PTH2R: variants seen among roughly 807,000 people sequenced by gnomAD.
The protein encoded by PTH2R is parathyroid hormone 2 receptor.
PTH2R carries 59 observed loss-of-function variants against 60.3 expected under a neutral mutation model. That is an observed-to-expected ratio of 0.98 (90% confidence interval 0.79 to 1.22). The LOEUF (loss-of-function observed/expected upper bound fraction) is 1.22. Among genes scored for constraint, PTH2R ranks in the 50% most tolerant of loss-of-function variants. PTH2R has a pLI of 0.00. For synonymous variants in PTH2R, 256 were observed against 243.8 expected (o/e 1.05, Z -0.47); for missense variants, 749 against 682.6 (o/e 1.10, Z -1.08).
intron 1 of PTH2R, among the ~76,000 whole-genome samples, chr2:208,396,520 T>C (rs1044299078): frequency 1.2e-4 from 19 of 152,206 alleles, no homozygotes; most frequent in African/African-American, 4.6e-4. Flanking sequence ...CTTCTCAAAA[T>C]AAGACATTTA....
intron 8 of PTH2R, among the ~76,000 whole-genome samples, chr2:208,459,001 C>A (rs202117688): frequency 4.1e-5 from 4 of 97,512 alleles, no homozygotes; most frequent in Non-Finnish European, 9.5e-5. Flanking sequence ...AATGGTAGTT[C>A]TTCTTTTAGC....
At chr2:208,468,801 C>T (rs532196987) in intron 9 of PTH2R, among the ~76,000 whole-genome samples, 10 of 152,174 alleles carry the variant, frequency 6.6e-5, no homozygotes, top group South Asian at 6.2e-4. Context: ...TCTTTTTCAC[C>T]GAACTGCAAG....
chr2:208,410,258 T>C lies in PTH2R; in HGVS notation c.75+3140T>C, dbSNP rs975840667. 2.6e-5 allele frequency among the ~76,000 whole-genome samples: 4 copies of C among 152,202 alleles called. No homozygotes were observed. The East Asian group carries it at 7.7e-4, about 29-fold the overall frequency. ...TCATTTAATTATCACAGTAACTTTATGAGATGGGCACTGTAATTGTTCACA... is the reference window on the plus strand; with the variant it reads ...TCATTTAATTATCACAGTAACTTTACGAGATGGGCACTGTAATTGTTCACA... On this transcript the variant is annotated intron_variant, in intron 1 of 12. Coordinates refer to ENST00000272847, the MANE Select transcript of PTH2R (RefSeq NM_005048.4).
At chr2:208,413,314 G>A (rs947569404) in intron 1 of PTH2R, among the ~76,000 whole-genome samples, 1 of 152,154 alleles carries the variant, frequency 6.6e-6, no homozygotes, top group African/African-American at 2.4e-5. Flanking sequence ...TGCTCCCCAT[G>A]TGATGCCACT....
At chr2:208,374,960 G>A (rs753547056) in intron 1 of PTH2R, among the ~76,000 whole-genome samples, 1 of 152,084 alleles carries the variant, frequency 6.6e-6, no homozygotes, top group Non-Finnish European at 1.5e-5. Context: ...GTTTAGTGGT[G>A]GCACTGGATG....
intron 4 of PTH2R, 111 bp from the exon 5 acceptor site, chr2:208,442,253 A>T: frequency 1.2e-6 from 1 of 827,000 alleles, no homozygotes; most frequent in Non-Finnish European, 2.0e-6. Flanking sequence ...ATTACAGCTT[A>T]AAAAAGTTAA....
At chr2:208,359,854 A>G (rs4675759) in exon 1 of PTH2R, 178,247 of 180,668 alleles carry the variant, frequency 0.99, 87,967 homozygotes, top group East Asian at 1. Flanking sequence ...GATAGAGCGT[A>G]CCCTGAGAGG....
At chr2:208,444,508 C>G (rs1369612872) in intron 6 of PTH2R, among the ~76,000 whole-genome samples, 1 of 151,944 alleles carries the variant, frequency 6.6e-6, no homozygotes, top group Non-Finnish European at 1.5e-5. Context: ...TTTTTGGTAA[C>G]TTCTTAAAGA....
intron 1 of PTH2R, among the ~76,000 whole-genome samples, chr2:208,408,740 A>AAGAGAGAGAGAGAGAGAGAGAG (rs56107941): frequency 1.6e-5 from 2 of 123,354 alleles, no homozygotes; most frequent in African/African-American, 3.9e-5. Context: ...GAGAGAGAGA[A>AAGAGAGAGAGAGAGAGAGAGAG]AGAGAGAGAG....
intron 9 of PTH2R, among the ~76,000 whole-genome samples, chr2:208,466,884 T>C (rs1255184263): frequency 6.6e-6 from 1 of 152,230 alleles, no homozygotes; most frequent in Non-Finnish European, 1.5e-5. Flanking sequence ...TGCAGAGGCA[T>C]TTTAGTTTAA....
At chr2:208,399,621 G>C (rs1701271353) in intron 1 of PTH2R, among the ~76,000 whole-genome samples, 1 of 152,100 alleles carries the variant, frequency 6.6e-6, no homozygotes, top group Non-Finnish European at 1.5e-5. Context: ...AGAATTAAGT[G>C]CATCTGTGTG....
At chr2:208,440,753 G>A (rs982504798) in intron 4 of PTH2R, among the ~76,000 whole-genome samples, 2 of 152,220 alleles carry the variant, frequency 1.3e-5, no homozygotes, top group African/African-American at 4.8e-5. Context: ...AGAATCCCAA[G>A]GAGTAAGCCC....
intron 1 of PTH2R, among the ~76,000 whole-genome samples, chr2:208,418,447 C>A (rs911634659): frequency 1.3e-5 from 2 of 151,192 alleles, no homozygotes; most frequent in Non-Finnish European, 2.9e-5. Flanking sequence ...AATAGCAAAC[C>A]AACTCCAACA....
At chr2:208,396,635 T>C (rs1701212618) in intron 1 of PTH2R, among the ~76,000 whole-genome samples, 1 of 152,096 alleles carries the variant, frequency 6.6e-6, no homozygotes, top group Non-Finnish European at 1.5e-5. Flanking sequence ...AGAATGGCGA[T>C]CATTAAAAAG....
At chr2:208,436,585 G>T (rs967405802) in intron 2 of PTH2R, among the ~76,000 whole-genome samples, 25 of 152,116 alleles carry the variant, frequency 1.6e-4, no homozygotes, top group Non-Finnish European at 3.5e-4. Flanking sequence ...CACGGTTCGG[G>T]AAAGCTGCCT....
intron 1 of PTH2R, among the ~76,000 whole-genome samples, chr2:208,421,093 A>G (rs2105846673): frequency 6.6e-6 from 1 of 152,368 alleles, no homozygotes; most frequent in East Asian, 1.9e-4. Flanking sequence ...AAAATATAAG[A>G]GAAAAGGATG....
At chr2:208,443,940 T>C (rs529778911) in intron 6 of PTH2R, among the ~76,000 whole-genome samples, 56 of 152,184 alleles carry the variant, frequency 3.7e-4, no homozygotes, top group Non-Finnish European at 6.2e-4. Context: ...TGTTCCAATA[T>C]AAAATTTTAT....
chr2:208,438,951 G>A (rs1702130296), intron 4 of PTH2R, among the ~76,000 whole-genome samples: 1 of 152,152 alleles, frequency 6.6e-6, no homozygotes, highest in Admixed American at 6.5e-5. Context: ...AAGTCAATAT[G>A]AGGAGATTGT....
intron 8 of PTH2R, among the ~76,000 whole-genome samples, chr2:208,454,575 A>G (rs1217566720): frequency 6.6e-6 from 1 of 152,234 alleles, no homozygotes; most frequent in Non-Finnish European, 1.5e-5. Context: ...TTGAACTTCT[A>G]GTCTCCAGAC....
Sources: gnomAD v4.1 joint callset for allele counts (sites outside exome capture counted in the v4.1 genomes callset) on GRCh38, gnomAD v4.1.1 for gene constraint, MANE v1.5 for transcripts, NCBI Gene and HGNC (gene_info 2026-07-23, HGNC 2026-07-21) for gene names.